Variants in MYH16 observed in about 807,000 individuals in gnomAD.
The protein encoded by MYH16 is putative uncharacterized protein MYH16.
chr7:99,309,470 CTGAAT>C (rs1481483350), downstream of MYH16, among the ~76,000 whole-genome samples: 1 of 152,162 alleles, frequency 6.6e-6, no homozygotes, highest in Non-Finnish European at 1.5e-5. Context: ...GAATCTTTTT[CTGAAT>C]TCTCTAACCC....
intron 1 of MYH16, among the ~76,000 whole-genome samples, chr7:99,240,939 A>G (rs1048870174): frequency 7.2e-5 from 11 of 152,186 alleles, no homozygotes; most frequent in African/African-American, 1.9e-4. Flanking sequence ...GTAAAAAGAT[A>G]TAGTTGGGTG....
At chr7:99,279,484 T>G (rs1024495532) in intron 21 of MYH16, 26 bp from the exon 4 acceptor site, 1 of 454,134 alleles carries the variant, frequency 2.2e-6, no homozygotes, top group Non-Finnish European at 4.4e-6. Context: ...GACCCTGTCC[T>G]CGACCGGGGC....
intron 1 of MYH16, among the ~76,000 whole-genome samples, chr7:99,242,284 C>T (rs939103421): frequency 5.3e-5 from 8 of 151,896 alleles, no homozygotes; most frequent in Non-Finnish European, 1.2e-4. Context: ...TTCTTCTTTT[C>T]TTGCTTGCTT....
chr7:99,308,406 A>G (rs1379270745), downstream of MYH16, among the ~76,000 whole-genome samples: 1 of 150,694 alleles, frequency 6.6e-6, no homozygotes. Flanking sequence ...CATCCCTGGG[A>G]GTAGATCTAA....
intron 40 of MYH16, among the ~76,000 whole-genome samples, chr7:99,304,984 GA>G: frequency 6.6e-6 from 1 of 152,080 alleles, no homozygotes; most frequent in Admixed American, 6.6e-5. Context: ...CCAGGAGTTT[GA>G]GACCAGCCGG....
intron 1 of MYH16, among the ~76,000 whole-genome samples, chr7:99,242,267 C>CT (rs145007362): frequency 6.6e-6 from 1 of 151,908 alleles, no homozygotes; most frequent in Non-Finnish European, 1.5e-5. Flanking sequence ...TTGCTGGTTT[C>CT]TTTTTTTTCT....
chr7:99,275,137 G>A (rs1792094976), intron 20 of MYH16, among the ~76,000 whole-genome samples: 3 of 151,980 alleles, frequency 2.0e-5, no homozygotes, highest in Admixed American at 1.3e-4. Flanking sequence ...CAGACTATAG[G>A]TGTGTGCCAC....
chr7:99,256,477 T>A lies in MYH16; in HGVS notation n.996+792T>A, dbSNP rs553603075. 3.3e-5 allele frequency among the ~76,000 whole-genome samples: 5 copies of A among 149,556 alleles called. No individual in the cohort carries two copies. The South Asian group carries it at 8.5e-4, about 25-fold the overall frequency. On this transcript the variant is annotated intron_variant and non_coding_transcript_variant, in intron 9 of 41. Transcript: ENST00000439784. ...AAGTAAGACCCTATCTCAAAAAAAA[T>A]AAAATAAAATAACTGGCCAGGCATG...
intron 39 of MYH16, among the ~76,000 whole-genome samples, chr7:99,303,529 G>A (rs1404769072): frequency 6.6e-6 from 1 of 152,218 alleles, no homozygotes; most frequent in East Asian, 1.9e-4. Context: ...GGCCAGGCAT[G>A]GTGGCTCACG....
At chr7:99,308,244 A>G (rs1792708067), downstream of MYH16, among the ~76,000 whole-genome samples, 1 of 142,580 alleles carries the variant, frequency 7.0e-6, no homozygotes, top group Admixed American at 7.4e-5. Context: ...GCAGTGAGCC[A>G]AGATCACGCC....
At chr7:99,259,463 A>T (rs1042210955) in intron 11 of MYH16, among the ~76,000 whole-genome samples, 5 of 151,460 alleles carry the variant, frequency 3.3e-5, no homozygotes, top group Non-Finnish European at 5.9e-5. Flanking sequence ...ATTTTTGTTT[A>T]TTTATTTTTT....
intron 19 of MYH16, among the ~76,000 whole-genome samples, chr7:99,271,679 A>G (rs371268597): frequency 1.3e-5 from 2 of 152,212 alleles, no homozygotes; most frequent in South Asian, 2.1e-4. Flanking sequence ...AATCAGGATA[A>G]CTGGGATATC....
At chr7:99,294,132 C>A in exon 33 of MYH16, 1 of 456,224 alleles carries the variant, frequency 2.2e-6, no homozygotes, top group South Asian at 1.6e-5. Context: ...TTGAGGACCT[C>A]ACCATCGACT....
At chr7:99,268,915 T>C (rs1267580276) in intron 18 of MYH16, among the ~76,000 whole-genome samples, 1 of 152,164 alleles carries the variant, frequency 6.6e-6, no homozygotes, top group East Asian at 1.9e-4. Flanking sequence ...TGTGGCATTT[T>C]GGGTTCCCGC....
At chr7:99,299,932 TTTATTTA>T (rs1189217569) in intron 37 of MYH16, among the ~76,000 whole-genome samples, 50 of 60,218 alleles carry the variant, frequency 8.3e-4, no homozygotes, top group African/African-American at 4.0e-3. Flanking sequence ...TTTTATTTTA[TTTATTTA>T]TTTATTTATT....
chr7:99,288,069 G>A, exon 29 of MYH16: 1 of 456,746 alleles, frequency 2.2e-6, no homozygotes. Flanking sequence ...GCTAGAGAAA[G>A]ATAAACAGGT....
chr7:99,296,950 T>C (rs976197898), intron 34 of MYH16, 33 bp downstream of exon 15: 6 of 452,922 alleles, frequency 1.3e-5, no homozygotes, highest in African/African-American at 1.2e-4. Context: ...GGGATGGGCC[T>C]GTAGGGAGGG....
intron 22 of MYH16, 131 bp downstream of exon 4, chr7:99,279,868 TTTG>T: frequency 2.8e-6 from 1 of 353,082 alleles, no homozygotes; most frequent in Non-Finnish European, 5.6e-6. Flanking sequence ...GGGGTTTTTT[TTTG>T]TTTGTTTGTT....
chr7:99,283,493 G>A (rs1364790295), intron 23 of MYH16, 72 bp from the exon 6 acceptor site: 10 of 449,656 alleles, frequency 2.2e-5, no homozygotes, highest in South Asian at 9.4e-5. Context: ...CAGAAGCGAC[G>A]ACTGAGGATC....
Sources: allele counts gnomAD v4.1 joint callset (sites outside exome capture counted in the v4.1 genomes callset), GRCh38; gene constraint gnomAD v4.1.1; transcripts MANE v1.5; gene names NCBI Gene and HGNC (gene_info 2026-07-23, HGNC 2026-07-21).